The following ANGPT4 variants were observed in gnomAD, a reference collection of about 807,000 sequenced individuals.
ANGPT4 encodes the protein angiopoietin 4, also known as angiopoietin-4.
Under a neutral mutation model 53.0 loss-of-function variants are expected in ANGPT4, and 50 were observed. The ratio of observed to expected loss-of-function variants is 0.94; its 90% CI spans 0.75 to 1.20. The LOEUF is 1.20. ANGPT4 is among the 50% of genes most tolerant of loss of function. ANGPT4 has a pLI of 0.00. For synonymous variants in ANGPT4, 251 were observed against 259.7 expected, an observed-to-expected ratio of 0.97 and a Z score of 0.32; for missense variants, 648 against 637.1, an observed-to-expected ratio of 1.02 and a Z score of -0.18.
chr20:910,940 C>A (rs139026547), intron 1 of ANGPT4, among the ~76,000 whole-genome samples: 1 of 152,184 alleles, frequency 6.6e-6, no homozygotes, highest in African/African-American at 2.4e-5. Context: ...GAAGCAGATG[C>A]TGTTTCCCCC....
chr20:895,709 C>T (rs1414860398), intron 1 of ANGPT4, among the ~76,000 whole-genome samples: 1 of 152,136 alleles, frequency 6.6e-6, no homozygotes, highest in Non-Finnish European at 1.5e-5. Context: ...GCAGTCCATC[C>T]ATGCAGTGGA....
chr20:882,318 A>T (rs1372777794), intron 4 of ANGPT4, among the ~76,000 whole-genome samples: 1 of 152,180 alleles, frequency 6.6e-6, no homozygotes, highest in East Asian at 1.9e-4. Context: ...TTGAACTATG[A>T]TTCTACCAGA....
rs541145614 is a variant in ANGPT4, at chr20:878,108, C to T, written c.1220+53G>A. On this transcript the variant is annotated intron_variant, in intron 7 of 8. Transcript: ENST00000381922. Reference sequence around the variant, plus strand: ...AGACACTAGCCTGGGGACCCCAGCCCGCCCACTAGCTGAAGACCCCAGCCC... The same window carrying T: ...AGACACTAGCCTGGGGACCCCAGCCTGCCCACTAGCTGAAGACCCCAGCCC... 89 of 1,540,284 alleles carry T rather than the reference C, an allele frequency of 5.8e-5. No individual in the cohort carries two copies. In the African/African-American group the frequency reaches 6.1e-4, roughly 11 times the overall value.
At chr20:893,153 A>AT (rs768403748) in intron 1 of ANGPT4, among the ~76,000 whole-genome samples, 54 of 152,262 alleles carry the variant, frequency 3.5e-4, no homozygotes, top group Middle Eastern at 3.4e-3. Flanking sequence ...AAAAGATCAC[A>AT]TTTTTTGTCC....
chr20:912,219 T>C (rs190125845), intron 1 of ANGPT4, among the ~76,000 whole-genome samples: 41 of 152,280 alleles, frequency 2.7e-4, no homozygotes, highest in Middle Eastern at 3.4e-3. Context: ...GGAATGGCAG[T>C]CACACACGGG....
intron 4 of ANGPT4, among the ~76,000 whole-genome samples, chr20:881,905 G>A (rs567076875): frequency 1.1e-4 from 16 of 152,282 alleles, no homozygotes; most frequent in African/African-American, 3.6e-4. Flanking sequence ...AGTTACTGGG[G>A]CCTGAACTCC....
chr20:883,539 C>T (rs958145887), intron 4 of ANGPT4, among the ~76,000 whole-genome samples: 1 of 152,216 alleles, frequency 6.6e-6, no homozygotes, highest in African/African-American at 2.4e-5. Flanking sequence ...GCCCTCTCTT[C>T]TACACCTGGT....
At position 908,483 on chromosome 20, in the gene ANGPT4, G is replaced by T. The variant is rs1228480442; in HGVS notation, c.309+7423C>A. Reference sequence around the variant, plus strand: ...CTTCCTAGTGCCTCCCTCCCTCAAGGTCAGGCACCCATTATCCACCCCTAG... The same window carrying T: ...CTTCCTAGTGCCTCCCTCCCTCAAGTTCAGGCACCCATTATCCACCCCTAG... On this transcript the variant is annotated intron_variant, in intron 1 of 8. Coordinates refer to ENST00000381922, the MANE Select transcript of ANGPT4 (RefSeq NM_015985.4). The surrounding 1 kb of genome is among the most constrained non-coding windows in gnomAD (Gnocchi z 4.9). 6.6e-6 allele frequency among the ~76,000 whole-genome samples: 1 copy of T among 152,000 alleles called. No individual in the cohort carries two copies. The highest frequency in any genetic ancestry group is 2.4e-5 in the African/African-American group (1 of 41,360).
chr20:876,685 T>C (rs1317351105), intron 7 of ANGPT4, among the ~76,000 whole-genome samples: 1 of 152,130 alleles, frequency 6.6e-6, no homozygotes. Flanking sequence ...GGAGTCGGGA[T>C]TTAAGCCTTT....
rs2122747605 is a variant in ANGPT4, at chr20:873,114, C to T, written c.1358G>A (p.Trp453Ter). 6.2e-7 allele frequency: 1 copy of T among 1,613,624 alleles called. No individual in the cohort carries two copies. The highest frequency in any genetic ancestry group is 8.5e-7 in the Non-Finnish European group (1 of 1,179,926). ...KCAQVMSGGW[W>*]FDACGLSNLN... ...GTTTGACAGGCCACAGGCGTCAAACCACCACCCTGGTGGAAGAGGGAGGAC... is the reference window on the plus strand; with the variant it reads ...GTTTGACAGGCCACAGGCGTCAAACTACCACCCTGGTGGAAGAGGGAGGAC... The change falls in exon 9 of 9, where the codon TGG (tryptophan) becomes TAG (stop). Residue 453 changes from tryptophan (W) to a stop codon, truncating the protein, a stop_gained. Transcript: ENST00000381922. LOFTEE classifies it low-confidence loss of function (END_TRUNC).
rs1982937369 is a variant in ANGPT4 at position 916,143 on chromosome 20, C to G, written c.72G>C (p.Gln24His). 6.2e-7 allele frequency: 1 copy of G among 1,614,068 alleles called. No homozygotes were observed. The highest frequency in any genetic ancestry group is 1.7e-5 in the Admixed American group (1 of 60,004). ...AGCCCCTATCCGCCTCCTGCCTTGT[C>G]TGTTGAGCCACAGACATGGTGGCAA... ...LVVATMSVAQ[Q>H]TRQEADRGCE... is the part of the protein sequence containing the mutation. The change falls in exon 1 of 9, where the codon CAG becomes CAC. Residue 24 changes from glutamine (Q) to histidine (H), a missense_variant. By Grantham distance (24) the Gln-to-His change is conservative (BLOSUM62 0). Transcript: ENST00000381922.
In ANGPT4 at chr20:870,727, G is replaced by A. The variant is rs1008481340; in HGVS notation, c.*2233C>T. On this transcript the variant is annotated 3_prime_UTR_variant, in exon 9 of 9. Coordinates refer to ENST00000381922, the MANE Select transcript of ANGPT4 (RefSeq NM_015985.4). The stretch of plus-strand genomic sequence containing the variant: ...TAGAAACTACAATAGAAAAATAAAT[G>A]ATGTGGATACAAAAATAAAATGCCT... The A allele has an allele frequency of 2.0e-5, 3 of 152,152 alleles. No homozygotes were observed. Among genetic ancestry groups the A allele is most frequent in the Non-Finnish European group, 2.9e-5 (2 of 68,050 alleles). The allele number at this position is 152,152 out of a possible 1,614,324, so 9.4% of individuals were successfully genotyped here.
intron 4 of ANGPT4, among the ~76,000 whole-genome samples, chr20:882,410 A>G (rs59538275): frequency 0.029 from 4,388 of 152,282 alleles, 87 homozygotes; most frequent in East Asian, 0.044. Flanking sequence ...GTGAGGAACC[A>G]GGAGGCTACC....
At chr20:909,728 C>T (rs1169742870) in intron 1 of ANGPT4, among the ~76,000 whole-genome samples, 1 of 152,208 alleles carries the variant, frequency 6.6e-6, no homozygotes, top group Non-Finnish European at 1.5e-5. Context: ...GAAGGCACAG[C>T]CAGTAAGCAG....
intron 4 of ANGPT4, among the ~76,000 whole-genome samples, 193 bp from the exon 5 acceptor site, chr20:881,479 C>T (rs1204921142): frequency 6.6e-6 from 1 of 152,004 alleles, no homozygotes; most frequent in Non-Finnish European, 1.5e-5. Context: ...GCAGGAGTTG[C>T]CCAGTGGAGA....
intron 4 of ANGPT4, among the ~76,000 whole-genome samples, chr20:882,153 T>C (rs138677417): frequency 7.3e-4 from 111 of 152,280 alleles, no homozygotes; most frequent in African/African-American, 2.5e-3. Flanking sequence ...AGGGCCCCTG[T>C]TTCTTCCCTC....
rs1982511271 is a variant in ANGPT4, at chr20:907,299, G to A, written c.309+8607C>T. Among the ~76,000 whole-genome samples the A allele has an allele frequency of 4.6e-5, 7 of 152,232 alleles. No individual in the cohort carries two copies. In the South Asian group the frequency reaches 1.4e-3, roughly 32 times the overall value. On this transcript the variant is annotated intron_variant, in intron 1 of 8. Transcript: ENST00000381922. ...GTGGCAGGTCCAGTGTTCATCCCAG[G>A]TGAAAGGCCACAAGGAGAAGATGAG...
Position 911,730 on chromosome 20 carries a change from G to A in ANGPT4, c.309+4176C>T, listed in dbSNP as rs1305543421. 2.6e-5 allele frequency among the ~76,000 whole-genome samples: 4 copies of A among 152,096 alleles called. No individual in the cohort carries two copies. Among genetic ancestry groups the A allele is most frequent in the Admixed American group, 6.5e-5 (1 of 15,284 alleles). On this transcript the variant is annotated intron_variant, in intron 1 of 8. Transcript: ENST00000381922. This position sits in a 1 kb window ranked among gnomAD's most constrained non-coding sequence, Gnocchi z 4.9. ...CTTGGAAGACTGAGGCGGGAGGATC[G>A]CTTGAGCTCAGGAGTTCAAGGCTGC...
chr20:896,220 GTATTAGGTA>G (rs1374540082), intron 1 of ANGPT4, among the ~76,000 whole-genome samples: 2 of 152,188 alleles, frequency 1.3e-5, no homozygotes, highest in African/African-American at 4.8e-5. Flanking sequence ...TGCTCATCCT[GTATTAGGTA>G]TTAGATAATC....
Sources: allele counts gnomAD v4.1 joint callset (sites outside exome capture counted in the v4.1 genomes callset), GRCh38; gene constraint gnomAD v4.1.1; non-coding constraint Gnocchi (gnomAD v3.1); transcripts MANE v1.5; gene names NCBI Gene and HGNC (gene_info 2026-07-23, HGNC 2026-07-21).